The following RHOJ variants were observed in gnomAD, a reference collection of about 807,000 sequenced individuals.
RHOJ encodes ras homolog family member J.
In RHOJ, 11 loss-of-function variants were observed where a neutral mutation model predicts 23.4. The observed-to-expected ratio is 0.47, with a 90% confidence interval of 0.30 to 0.78. The LOEUF (loss-of-function observed/expected upper bound fraction) is 0.78, where lower values mean the gene tolerates loss of function less well. Ranked by LOEUF, RHOJ falls within the 30% of genes least tolerant of loss-of-function variation. RHOJ has a pLI of 0.08. For synonymous variants in RHOJ, 102 were observed against 102.7 expected (o/e 0.99, Z 0.04); for missense variants, 254 against 273.4 (o/e 0.93, Z 0.50).
At position 63,281,489 on chromosome 14, in the gene RHOJ, AC is replaced by A. The variant is rs1226803167; in HGVS notation, c.402+357del. ...TTATCTAGTATTTTTTATATCTGAAACCCACAGTTGTTTTAAAATCACAAAA... is the reference window on the plus strand; with the variant it reads ...TTATCTAGTATTTTTTATATCTGAAACCACAGTTGTTTTAAAATCACAAAA... On this transcript the variant is annotated intron_variant, in intron 3 of 4. Transcript: ENST00000316754. 2.0e-5 allele frequency among the ~76,000 whole-genome samples: 3 copies of A among 152,010 alleles called. No homozygotes were observed. In the East Asian group the frequency reaches 5.8e-4, roughly 29 times the overall value.
chr14:63,238,484 T>G (rs1894828834), intron 1 of RHOJ, among the ~76,000 whole-genome samples: 1 of 152,192 alleles, frequency 6.6e-6, no homozygotes, highest in African/African-American at 2.4e-5. Flanking sequence ...TGGTGCCATC[T>G]CAGCTCACTG....
At chr14:63,264,621 C>G (rs891127157) in intron 1 of RHOJ, among the ~76,000 whole-genome samples, 1 of 152,208 alleles carries the variant, frequency 6.6e-6, no homozygotes, top group Non-Finnish European at 1.5e-5. Flanking sequence ...GATGGCTGAA[C>G]TAATTTACAT....
chr14:63,271,174 C>A (rs1472788842), intron 2 of RHOJ, among the ~76,000 whole-genome samples: 1 of 152,070 alleles, frequency 6.6e-6, no homozygotes. Context: ...ATTTTTTCAA[C>A]TAACTCTCAC....
intron 2 of RHOJ, among the ~76,000 whole-genome samples, chr14:63,279,110 T>A (rs1426879332): frequency 2.0e-5 from 3 of 152,262 alleles, no homozygotes; most frequent in African/African-American, 7.2e-5. Context: ...ACTTCAACTC[T>A]GTGTACTTCT....
chr14:63,269,200 G>A, intron 2 of RHOJ, 32 bp downstream of exon 2: 6 of 1,541,672 alleles, frequency 3.9e-6, no homozygotes, highest in Non-Finnish European at 4.5e-6. Context: ...TCATTGGAGG[G>A]CGGTGGTGTA....
intron 1 of RHOJ, among the ~76,000 whole-genome samples, chr14:63,242,320 C>G (rs1380836762): frequency 6.6e-6 from 1 of 152,158 alleles, no homozygotes; most frequent in Middle Eastern, 3.2e-3. Context: ...TAATCCCATA[C>G]TTGAGGAGGC....
At chr14:63,221,338 A>G (rs1894490018) in intron 1 of RHOJ, among the ~76,000 whole-genome samples, 1 of 151,968 alleles carries the variant, frequency 6.6e-6, no homozygotes, top group Non-Finnish European at 1.5e-5. Flanking sequence ...CAAAATATGT[A>G]TATATATATA....
intron 1 of RHOJ, among the ~76,000 whole-genome samples, chr14:63,243,981 T>G (rs552513306): frequency 6.6e-6 from 1 of 152,202 alleles, no homozygotes; most frequent in Non-Finnish European, 1.5e-5. Context: ...TAGATGACCT[T>G]CTATAACTGA....
At chr14:63,269,063 T>C (rs1895417790) in intron 1 of RHOJ, 47 bp from the exon 2 acceptor site, 2 of 1,370,244 alleles carry the variant, frequency 1.5e-6, no homozygotes, top group African/African-American at 2.9e-5. Flanking sequence ...TGATTGAAGC[T>C]TGTGTTTATG....
At chr14:63,228,643 C>T (rs529501121) in intron 1 of RHOJ, among the ~76,000 whole-genome samples, 4 of 149,046 alleles carry the variant, frequency 2.7e-5, no homozygotes, top group South Asian at 2.1e-4. Flanking sequence ...AAAAAAAAGA[C>T]GAAAACAGAA....
intron 1 of RHOJ, among the ~76,000 whole-genome samples, chr14:63,243,636 G>A (rs1045201223): frequency 3.3e-5 from 5 of 152,082 alleles, no homozygotes; most frequent in African/African-American, 4.8e-5. Context: ...CACCACGCCC[G>A]GCCAAAACTT....
intron 1 of RHOJ, among the ~76,000 whole-genome samples, chr14:63,241,792 G>C (rs1318430977): frequency 6.6e-6 from 1 of 152,134 alleles, no homozygotes; most frequent in Non-Finnish European, 1.5e-5. Context: ...CAGGCCAGGA[G>C]GTTCCATGGA....
intron 1 of RHOJ, among the ~76,000 whole-genome samples, chr14:63,213,029 T>A (rs1377940781): frequency 6.6e-6 from 1 of 152,208 alleles, no homozygotes; most frequent in African/African-American, 2.4e-5. Flanking sequence ...TATTTTTAGG[T>A]TTTTGTAATG....
intron 1 of RHOJ, among the ~76,000 whole-genome samples, chr14:63,226,540 C>T (rs1427246462): frequency 6.7e-6 from 1 of 149,766 alleles, no homozygotes; most frequent in Non-Finnish European, 1.5e-5. Flanking sequence ...ATATATAAAA[C>T]AATATATAAA....
intron 1 of RHOJ, among the ~76,000 whole-genome samples, chr14:63,217,907 C>T (rs1467422): frequency 0.29 from 43,800 of 152,050 alleles, 7,786 homozygotes; most frequent in African/African-American, 0.49. Flanking sequence ...CTTGTCGACA[C>T]GATTACTTGC....
At chr14:63,206,810 G>A (rs538222444) in intron 1 of RHOJ, among the ~76,000 whole-genome samples, 109 of 152,128 alleles carry the variant, frequency 7.2e-4, no homozygotes, top group Non-Finnish European at 1.3e-3. Context: ...TAAAGATTTC[G>A]GCTAGTCTAT....
chr14:63,260,347 G>T (rs1343480952), intron 1 of RHOJ, among the ~76,000 whole-genome samples: 2 of 152,112 alleles, frequency 1.3e-5, no homozygotes, highest in African/African-American at 4.8e-5. Flanking sequence ...TTTATCACAC[G>T]TTCTACTCGT....
At chr14:63,218,850 T>C (rs1470351686) in intron 1 of RHOJ, among the ~76,000 whole-genome samples, 1 of 152,222 alleles carries the variant, frequency 6.6e-6, no homozygotes, top group African/African-American at 2.4e-5. Flanking sequence ...TATAGTCGTA[T>C]ACACAGCAGA....
chr14:63,282,741 A>C (rs1164455458), intron 3 of RHOJ, among the ~76,000 whole-genome samples: 1 of 152,092 alleles, frequency 6.6e-6, no homozygotes, highest in Non-Finnish European at 1.5e-5. Context: ...ATAATGAGTA[A>C]TATAATTTGG....
Sources: allele counts gnomAD v4.1 joint callset (sites outside exome capture counted in the v4.1 genomes callset), GRCh38; gene constraint gnomAD v4.1.1; transcripts MANE v1.5; gene names NCBI Gene and HGNC (gene_info 2026-07-23, HGNC 2026-07-21).